LHFPL3: variants seen among roughly 807,000 people sequenced by gnomAD.
The protein encoded by LHFPL3 is LHFPL tetraspan subfamily member 3.
Under a neutral mutation model 19.3 loss-of-function variants are expected in LHFPL3, and 5 were observed. That is an observed-to-expected ratio of 0.26 (90% CI 0.14 to 0.54). The LOEUF (loss-of-function observed/expected upper bound fraction) is 0.54, where lower values mean the gene tolerates loss of function less well. Among genes scored for constraint, LHFPL3 ranks in the 20% least tolerant of loss-of-function variants. The pLI, the probability that LHFPL3 is intolerant of heterozygous loss-of-function variation, is 0.94. For missense variants in LHFPL3, 249 were observed against 307.4 expected (o/e 0.81, Z 1.42); for synonymous variants, 133 against 126.2 (o/e 1.05, Z -0.36).
At chr7:104,415,663 C>T (rs555995728) in intron 1 of LHFPL3, among the ~76,000 whole-genome samples, 1 of 152,328 alleles carries the variant, frequency 6.6e-6, no homozygotes, top group South Asian at 2.1e-4. Context: ...ACACATTCCA[C>T]TTTCTAGTCA....
At chr7:104,520,574 T>G (rs1306694094) in intron 1 of LHFPL3, among the ~76,000 whole-genome samples, 1 of 138,030 alleles carries the variant, frequency 7.2e-6, no homozygotes, top group East Asian at 2.1e-4. Flanking sequence ...ATCCATCTGG[T>G]CCTGGACTCT....
At chr7:104,364,798 A>G (rs1205951965) in intron 1 of LHFPL3, among the ~76,000 whole-genome samples, 28 of 152,258 alleles carry the variant, frequency 1.8e-4, no homozygotes, top group Admixed American at 1.8e-3. Flanking sequence ...CAACGGTAAG[A>G]TGAGACTGGA....
intron 1 of LHFPL3, among the ~76,000 whole-genome samples, chr7:104,527,492 A>G (rs941171037): frequency 2.6e-5 from 4 of 152,206 alleles, no homozygotes; most frequent in African/African-American, 7.2e-5. Context: ...ACCAAGGGGA[A>G]CAGAGTTTCT....
chr7:104,570,038 A>C (rs554316928), intron 1 of LHFPL3, among the ~76,000 whole-genome samples: 1 of 152,330 alleles, frequency 6.6e-6, no homozygotes, highest in East Asian at 1.9e-4. Context: ...CGAAAATGCT[A>C]ATTTCTCTCA....
chr7:104,637,718 C>G (rs896956008), intron 1 of LHFPL3, among the ~76,000 whole-genome samples: 2 of 150,906 alleles, frequency 1.3e-5, no homozygotes, highest in African/African-American at 4.9e-5. Context: ...TCGGGGCTCT[C>G]TATTCTGTTT....
rs190167677 is a variant in LHFPL3 at position 104,329,089 on chromosome 7, G to A, written c.310G>A (p.Ala104Thr). 2 of 1,614,064 alleles carry A rather than the reference G, an allele frequency of 1.2e-6. No individual in the cohort carries two copies. The highest frequency in any genetic ancestry group is 1.1e-5 in the South Asian group (1 of 91,092). ...FTDFSTLPSG[A>T]FKAASFFIGL... Reference sequence around the variant, plus strand: ...GGACTTCTCCACGCTGCCCTCGGGCGCCTTCAAAGCCGCCTCCTTCTTTAT... The same window carrying A: ...GGACTTCTCCACGCTGCCCTCGGGCACCTTCAAAGCCGCCTCCTTCTTTAT... The change falls in exon 1 of 3, where the codon GCC becomes ACC. Residue 104 changes from alanine to threonine, a missense_variant. Transcript: ENST00000424859.
intron 2 of LHFPL3, among the ~76,000 whole-genome samples, chr7:104,892,317 G>A (rs1792264529): frequency 6.6e-6 from 1 of 152,014 alleles, no homozygotes; most frequent in African/African-American, 2.4e-5. Flanking sequence ...AAATAATAGT[G>A]GCACATTTTT....
intron 1 of LHFPL3, among the ~76,000 whole-genome samples, chr7:104,614,657 T>TCTTCTCTTCTCTTCTC (rs756087377): frequency 3.0e-4 from 25 of 82,484 alleles, no homozygotes; most frequent in East Asian, 4.3e-4. Context: ...TCTTCTCTCC[T>TCTTCTCTTCTCTTCTC]TCCTTCCTTC....
At chr7:104,509,016 T>A (rs1793759546) in intron 1 of LHFPL3, among the ~76,000 whole-genome samples, 1 of 152,002 alleles carries the variant, frequency 6.6e-6, no homozygotes, top group African/African-American at 2.4e-5. Flanking sequence ...TGAACCAATT[T>A]CTGAACAAAC....
chr7:104,498,156 T>A (rs1291632825), intron 1 of LHFPL3, among the ~76,000 whole-genome samples: 1 of 152,254 alleles, frequency 6.6e-6, no homozygotes, highest in Non-Finnish European at 1.5e-5. Context: ...ACAGGGCTAT[T>A]GTGAGAATTA....
chr7:104,375,019 A>T (rs1415861286), intron 1 of LHFPL3, among the ~76,000 whole-genome samples: 2 of 152,188 alleles, frequency 1.3e-5, no homozygotes, highest in Non-Finnish European at 2.9e-5. Flanking sequence ...TTTTCATTTC[A>T]ATTTGTAATG....
At chr7:104,526,292 A>G (rs1427711833) in intron 1 of LHFPL3, among the ~76,000 whole-genome samples, 1 of 152,206 alleles carries the variant, frequency 6.6e-6, no homozygotes, top group Admixed American at 6.5e-5. Context: ...CCAAATAAAC[A>G]AACAAAATAT....
At chr7:104,740,952 T>C (rs977990382) in intron 2 of LHFPL3, among the ~76,000 whole-genome samples, 1 of 152,106 alleles carries the variant, frequency 6.6e-6, no homozygotes, top group Admixed American at 6.5e-5. Flanking sequence ...TTACATGAAT[T>C]CTAAAATATG....
chr7:104,594,564 C>G (rs1790799937), intron 1 of LHFPL3, among the ~76,000 whole-genome samples: 1 of 152,076 alleles, frequency 6.6e-6, no homozygotes, highest in South Asian at 2.1e-4. Flanking sequence ...TCTGTATTTC[C>G]TGAATTTGAT....
At chr7:104,540,279 A>G (rs1794460652) in intron 1 of LHFPL3, among the ~76,000 whole-genome samples, 1 of 152,216 alleles carries the variant, frequency 6.6e-6, no homozygotes, top group African/African-American at 2.4e-5. Context: ...GAGATATGGT[A>G]TTGAAAGTAT....
chr7:104,433,870 A>C (rs1792048250), intron 1 of LHFPL3, among the ~76,000 whole-genome samples: 7 of 152,134 alleles, frequency 4.6e-5, no homozygotes, highest in Admixed American at 4.6e-4. Flanking sequence ...ATCATCATGG[A>C]GTTCCTAGCA....
At chr7:104,428,179 G>A (rs1215972839) in intron 1 of LHFPL3, among the ~76,000 whole-genome samples, 1 of 152,112 alleles carries the variant, frequency 6.6e-6, no homozygotes, top group Non-Finnish European at 1.5e-5. Flanking sequence ...TTTTGTAGAT[G>A]TCCGTCCACA....
At chr7:104,546,439 T>A (rs1794579199) in intron 1 of LHFPL3, among the ~76,000 whole-genome samples, 1 of 152,138 alleles carries the variant, frequency 6.6e-6, no homozygotes, top group African/African-American at 2.4e-5. Context: ...TGAAGGTTCA[T>A]AAAGCACTAG....
intron 1 of LHFPL3, among the ~76,000 whole-genome samples, chr7:104,354,330 C>T (rs1416222223): frequency 6.6e-6 from 1 of 152,220 alleles, no homozygotes; most frequent in African/African-American, 2.4e-5. Context: ...TTCTACCACA[C>T]CAGACAACTG....
Sources: allele counts gnomAD v4.1 joint callset (sites outside exome capture counted in the v4.1 genomes callset), GRCh38; gene constraint gnomAD v4.1.1; transcripts MANE v1.5; gene names NCBI Gene and HGNC (gene_info 2026-07-23, HGNC 2026-07-21).